NUBPL: variants seen among roughly 807,000 people sequenced by gnomAD.
The protein encoded by NUBPL is NUBP iron-sulfur cluster assembly factor, mitochondrial, also known as iron-sulfur cluster transfer protein NUBPL.
In NUBPL, 31 loss-of-function variants were observed where a neutral mutation model predicts 45.7. The observed-to-expected ratio is 0.68, with a 90% CI of 0.51 to 0.92. The LOEUF (loss-of-function observed/expected upper bound fraction) is 0.92. Ranked by LOEUF, NUBPL falls within the 40% of genes least tolerant of loss-of-function variation. NUBPL has a pLI of 0.00. For missense variants in NUBPL, 401 were observed against 398.7 expected (o/e 1.01, Z -0.05); for synonymous variants, 144 against 140.9 (o/e 1.02, Z -0.15).
At chr14:31,573,221 T>C (rs952542366) in intron 3 of NUBPL, among the ~76,000 whole-genome samples, 1 of 152,230 alleles carries the variant, frequency 6.6e-6, no homozygotes, top group Non-Finnish European at 1.5e-5. Flanking sequence ...TATAATCTTA[T>C]GTCACCACCG....
intron 6 of NUBPL, among the ~76,000 whole-genome samples, chr14:31,718,504 A>T (rs1448183717): frequency 6.6e-6 from 1 of 152,198 alleles, no homozygotes; most frequent in Non-Finnish European, 1.5e-5. Context: ...GTGTAAGATT[A>T]TATTTTTAAT....
chr14:31,816,562 C>T (rs1389706131), intron 7 of NUBPL, among the ~76,000 whole-genome samples: 4 of 151,886 alleles, frequency 2.6e-5, no homozygotes, highest in Non-Finnish European at 5.9e-5. Context: ...TATTTCTTGT[C>T]TTCTGCTAGC....
intron 7 of NUBPL, among the ~76,000 whole-genome samples, chr14:31,789,991 G>A (rs2039349907): frequency 6.8e-6 from 1 of 147,580 alleles, no homozygotes; most frequent in Admixed American, 6.8e-5. Flanking sequence ...TTTACCAAAT[G>A]TTCATTTTAA....
intron 6 of NUBPL, among the ~76,000 whole-genome samples, chr14:31,782,069 A>G (rs927336321): frequency 6.6e-6 from 1 of 152,176 alleles, no homozygotes; most frequent in African/African-American, 2.4e-5. Flanking sequence ...ACTGAAGAAC[A>G]TATTTTATGT....
intron 8 of NUBPL, among the ~76,000 whole-genome samples, chr14:31,841,509 T>C (rs1210468878): frequency 1.6e-4 from 25 of 152,090 alleles, no homozygotes; most frequent in African/African-American, 5.5e-4. Context: ...GCAGGAGTTC[T>C]TTATACATTA....
chr14:31,740,268 A>G (rs548752147), intron 6 of NUBPL, among the ~76,000 whole-genome samples: 2 of 152,336 alleles, frequency 1.3e-5, no homozygotes, highest in South Asian at 4.1e-4. Context: ...CATCCCCACC[A>G]GCAAGAAATG....
At chr14:31,664,685 C>G (rs1252390820) in intron 4 of NUBPL, among the ~76,000 whole-genome samples, 10 of 151,994 alleles carry the variant, frequency 6.6e-5, no homozygotes, top group Admixed American at 6.6e-4. Context: ...GGGATGTAGG[C>G]CTAAAATTTC....
intron 6 of NUBPL, among the ~76,000 whole-genome samples, chr14:31,695,734 C>G (rs112895463): frequency 6.6e-5 from 10 of 152,258 alleles, no homozygotes; most frequent in African/African-American, 2.4e-4. Context: ...CCTTGGACTT[C>G]CTAGCCTCCA....
chr14:31,624,490 A>G (rs957331866), intron 4 of NUBPL, among the ~76,000 whole-genome samples: 5 of 152,182 alleles, frequency 3.3e-5, no homozygotes, highest in African/African-American at 1.2e-4. Context: ...TGGAGTTGTT[A>G]GTTGAGATCA....
At chr14:31,730,880 TA>T (rs2038035303) in intron 6 of NUBPL, among the ~76,000 whole-genome samples, 2 of 152,310 alleles carry the variant, frequency 1.3e-5, no homozygotes, top group Admixed American at 1.3e-4. Context: ...TGTGTCAGTT[TA>T]TTTTTTTTTT....
chr14:31,564,757 G>C (rs2033391914), intron 2 of NUBPL, among the ~76,000 whole-genome samples: 2 of 152,090 alleles, frequency 1.3e-5, no homozygotes, highest in South Asian at 4.1e-4. Flanking sequence ...TTTTAAAAAT[G>C]TTAGTTTTGG....
intron 8 of NUBPL, among the ~76,000 whole-genome samples, chr14:31,836,138 A>G (rs1432899999): frequency 2.0e-5 from 3 of 152,208 alleles, no homozygotes; most frequent in Non-Finnish European, 2.9e-5. Context: ...AGCGATGTTC[A>G]TATTTCAAGA....
chr14:31,654,067 C>A (rs913690786), intron 4 of NUBPL: 1 of 455,198 alleles, frequency 2.2e-6, no homozygotes. Context: ...TTGGTACATA[C>A]AGGTATATCT....
chr14:31,646,532 C>G (rs1231600001), intron 4 of NUBPL, among the ~76,000 whole-genome samples: 1 of 151,998 alleles, frequency 6.6e-6, no homozygotes, highest in East Asian at 1.9e-4. Context: ...AAATGTTATT[C>G]TTTTCCCTTC....
chr14:31,597,511 T>A, intron 3 of NUBPL, among the ~76,000 whole-genome samples: 1 of 152,174 alleles, frequency 6.6e-6, no homozygotes, highest in Admixed American at 6.6e-5. Context: ...GATGATAAAA[T>A]TGACCCTAGC....
intron 4 of NUBPL, among the ~76,000 whole-genome samples, chr14:31,668,179 G>C (rs2036482969): frequency 6.6e-6 from 1 of 152,234 alleles, no homozygotes; most frequent in Non-Finnish European, 1.5e-5. Flanking sequence ...TCCTCCAGGT[G>C]CTCTGTCCCA....
intron 6 of NUBPL, among the ~76,000 whole-genome samples, chr14:31,691,975 G>A (rs61997370): frequency 0.02 from 2,984 of 152,236 alleles, 38 homozygotes; most frequent in Admixed American, 0.028. Context: ...GATAAATATG[G>A]TGTATGTTCA....
intron 8 of NUBPL, chr14:31,844,692 A>C (rs1232264488): frequency 6.6e-6 from 1 of 152,202 alleles, no homozygotes. Flanking sequence ...GACTATCAGT[A>C]CTGTTCTTCA....
chr14:31,637,645 G>T (rs934129162), intron 4 of NUBPL, among the ~76,000 whole-genome samples: 1 of 152,170 alleles, frequency 6.6e-6, no homozygotes, highest in African/African-American at 2.4e-5. Context: ...GGGTATCTTT[G>T]TTAACTTTCT....
Sources: gnomAD v4.1 joint callset for allele counts (sites outside exome capture counted in the v4.1 genomes callset) on GRCh38, gnomAD v4.1.1 for gene constraint, MANE v1.5 for transcripts, NCBI Gene and HGNC (gene_info 2026-07-23, HGNC 2026-07-21) for gene names.